The following GPHN variants were observed in gnomAD, a reference collection of about 807,000 sequenced individuals.
GPHN encodes gephyrin.
Under a neutral mutation model 95.5 loss-of-function variants are expected in GPHN, and 17 were observed. The ratio of observed to expected loss-of-function variants is 0.18; its 90% CI spans 0.12 to 0.27. The LOEUF (loss-of-function observed/expected upper bound fraction) is 0.27. GPHN is among the 10% of genes least tolerant of loss of function. The probability of loss-of-function intolerance (pLI) is 1.00; values close to 1 mark genes in which losing one functional copy is unlikely to be tolerated. For missense variants in GPHN, 660 were observed against 978.1 expected (o/e 0.67, Z 4.34); for synonymous variants, 320 against 322.5 (o/e 0.99, Z 0.08).
chr14:67,367,728 C>T, the GPHN span, among the ~76,000 whole-genome samples: 70 of 151,948 alleles, frequency 4.6e-4, no homozygotes, highest in African/African-American at 1.6e-3. Context: ...CCCAGCTTCT[C>T]GGGCGGCTGA....
At chr14:67,663,249 T>C in the GPHN span, 1 of 1,173,660 alleles carries the variant, frequency 8.5e-7, no homozygotes, top group Non-Finnish European at 1.2e-6. Flanking sequence ...TAAAACAGTA[T>C]TGTCTTAATT....
At chr14:67,572,346 CAAGACAT>C in the GPHN span, 1 of 1,303,250 alleles carries the variant, frequency 7.7e-7, no homozygotes. Context: ...GCCCTCAGCA[CAAGACAT>C]AGGCAGTAGC....
the GPHN span, among the ~76,000 whole-genome samples, chr14:67,597,596 G>T: frequency 6.6e-6 from 1 of 152,038 alleles, no homozygotes; most frequent in Admixed American, 6.6e-5. Context: ...GATCCAGAAA[G>T]ATCTAATTTT....
At chr14:66,871,388 T>C (rs1474606244) in intron 4 of GPHN, among the ~76,000 whole-genome samples, 1 of 152,232 alleles carries the variant, frequency 6.6e-6, no homozygotes, top group Non-Finnish European at 1.5e-5. Context: ...CCATTGCTTA[T>C]ATAACTTTTT....
chr14:66,914,865 C>T (rs1156689793), intron 5 of GPHN, among the ~76,000 whole-genome samples: 1 of 151,972 alleles, frequency 6.6e-6, no homozygotes, highest in Admixed American at 6.6e-5. Flanking sequence ...ATATTAAGAA[C>T]TATATAATTA....
At chr14:67,687,468 T>C in the GPHN span, among the ~76,000 whole-genome samples, 6 of 3,368 alleles carry the variant, frequency 1.8e-3, no homozygotes, top group Non-Finnish European at 0.016. Context: ...TCCATATTCC[T>C]TTTTTTTTTT....
chr14:67,632,584 T>C, the GPHN span, among the ~76,000 whole-genome samples: 1 of 152,096 alleles, frequency 6.6e-6, no homozygotes, highest in Non-Finnish European at 1.5e-5. Flanking sequence ...TACCCTTCTG[T>C]AGGAACTGAG....
intron 1 of GPHN, among the ~76,000 whole-genome samples, chr14:66,592,762 C>T (rs9778059): frequency 1.3e-5 from 2 of 152,112 alleles, no homozygotes; most frequent in Non-Finnish European, 2.9e-5. Flanking sequence ...GGATCTAGAA[C>T]CAGAAATACC....
intron 1 of GPHN, among the ~76,000 whole-genome samples, chr14:66,656,982 T>C (rs2065341963): frequency 6.6e-6 from 1 of 152,182 alleles, no homozygotes; most frequent in Admixed American, 6.5e-5. Context: ...GAGAAAGGCA[T>C]GTCACAAGCC....
the GPHN span, chr14:67,586,936 A>C: frequency 6.5e-7 from 1 of 1,543,652 alleles, no homozygotes; most frequent in African/African-American, 1.4e-5. Context: ...TTCCCTTTGG[A>C]TATTTTCTCC....
At chr14:67,066,118 G>GT (rs2076047472) in intron 11 of GPHN, among the ~76,000 whole-genome samples, 1 of 152,112 alleles carries the variant, frequency 6.6e-6, no homozygotes, top group East Asian at 1.9e-4. Context: ...AGGAACTCTT[G>GT]TAACACAGGC....
chr14:66,568,488 G>T (rs1292890092), intron 1 of GPHN, among the ~76,000 whole-genome samples: 1 of 151,970 alleles, frequency 6.6e-6, no homozygotes, highest in African/African-American at 2.4e-5. Flanking sequence ...GAAAATATAT[G>T]GTTATTCACT....
intron 4 of GPHN, among the ~76,000 whole-genome samples, chr14:66,825,915 G>A (rs543606740): frequency 6.6e-6 from 1 of 152,200 alleles, no homozygotes; most frequent in African/African-American, 2.4e-5. Context: ...CAATTGGGAA[G>A]GAAGCCATCT....
intron 8 of GPHN, among the ~76,000 whole-genome samples, chr14:66,940,323 AATG>A (rs1262189291): frequency 6.6e-6 from 1 of 152,088 alleles, no homozygotes; most frequent in Non-Finnish European, 1.5e-5. Context: ...ACTGAAGATT[AATG>A]ACTACTCATG....
the GPHN span, chr14:67,651,053 TAA>T: frequency 2.7e-6 from 3 of 1,101,536 alleles, no homozygotes; most frequent in Non-Finnish European, 3.9e-6. Context: ...CTCACAATTG[TAA>T]AGTTTCCCCT....
At chr14:67,694,295 C>G in the GPHN span, among the ~76,000 whole-genome samples, 33 of 152,138 alleles carry the variant, frequency 2.2e-4, no homozygotes, top group African/African-American at 8.0e-4. Context: ...GTATGTAGCT[C>G]CAGGAGTGAC....
intron 8 of GPHN, among the ~76,000 whole-genome samples, chr14:66,932,444 GTTTTTTTTTTTT>G (rs35159325): frequency 7.2e-3 from 175 of 24,388 alleles, no homozygotes; most frequent in South Asian, 0.027. Context: ...CCAAGACCAG[GTTTTTTTTTTTT>G]TTTTTTTTTT....
chr14:66,887,201 T>C (rs901518924), intron 5 of GPHN, among the ~76,000 whole-genome samples: 3 of 152,018 alleles, frequency 2.0e-5, no homozygotes, highest in African/African-American at 7.2e-5. Context: ...GGAAGGGAAA[T>C]ACCCAACTTC....
chr14:66,577,174 TTAC>T (rs1391585706), intron 1 of GPHN, among the ~76,000 whole-genome samples: 1 of 152,210 alleles, frequency 6.6e-6, no homozygotes, highest in African/African-American at 2.4e-5. Context: ...GATGCTGCTC[TTAC>T]TAGTCTATAG....
Sources: gnomAD v4.1 joint callset for allele counts (sites outside exome capture counted in the v4.1 genomes callset) on GRCh38, gnomAD v4.1.1 for gene constraint, MANE v1.5 for transcripts, NCBI Gene and HGNC (gene_info 2026-07-23, HGNC 2026-07-21) for gene names.